Variants in THEM5 observed in about 807,000 individuals in gnomAD.
THEM5 encodes the protein thioesterase superfamily member 5.
Under a neutral mutation model 24.2 loss-of-function variants are expected in THEM5, and 28 were observed. That is an observed-to-expected ratio of 1.16 (90% CI 0.86 to 1.59). The LOEUF is 1.59. Ranked by LOEUF, THEM5 falls within the 40% of genes most tolerant of loss-of-function variation. THEM5 has a pLI of 0.00. For synonymous variants in THEM5, 87 were observed against 114.5 expected (o/e 0.76, Z 1.53); for missense variants, 260 against 296.8 (o/e 0.88, Z 0.91).
At position 151,847,733 on chromosome 1, in the gene THEM5, T is replaced by C; in HGVS notation, c.700+5A>G. The C allele has an allele frequency of 3.1e-6, 5 of 1,612,856 alleles. No homozygotes were observed. The highest frequency in any genetic ancestry group is 4.2e-6 in the Non-Finnish European group (5 of 1,179,812). On this transcript the variant is annotated splice_donor_5th_base_variant and intron_variant, in intron 5 of 5. Transcript: ENST00000368817. Reference sequence around the variant, plus strand: ...GGCCTGGGGCTGGGCTGGGGGCTCCTTTACCTGAGGACTTGGCATAAACTG... The same window carrying C: ...GGCCTGGGGCTGGGCTGGGGGCTCCCTTACCTGAGGACTTGGCATAAACTG...
At chr1:151,851,922 G>T (rs1031710503) in intron 2 of THEM5, among the ~76,000 whole-genome samples, 3 of 152,162 alleles carry the variant, frequency 2.0e-5, no homozygotes, top group African/African-American at 4.8e-5. Context: ...CTTTCATGGG[G>T]TTGGGGCGGA....
At chr1:151,847,528 T>A in intron 5 of THEM5, 114 bp from the exon 6 acceptor site, 1 of 1,461,974 alleles carries the variant, frequency 6.8e-7, no homozygotes, top group Non-Finnish European at 9.5e-7. Flanking sequence ...TGTCCTTTCG[T>A]TACAGGTTGG....
In THEM5 at chr1:151,853,499, G is replaced by A. The variant is rs370864082; in HGVS notation, c.67C>T (p.Arg23Cys). The A allele has an allele frequency of 2.0e-5, 32 of 1,613,540 alleles. No homozygotes were observed. The highest frequency in any genetic ancestry group is 1.2e-4 in the African/African-American group (9 of 74,884). Residue 23 changes from arginine to cysteine, a missense_variant, in exon 1 of 6, where the codon CGT (arginine) becomes TGT (cysteine). By Grantham distance (180) the Arg-to-Cys change is radical. Coordinates refer to ENST00000368817, the MANE Select transcript of THEM5 (RefSeq NM_182578.4). ...GHHRGLLEAP[R>C]ILPRLNPASA... ...GCAGGGTTGAGTCTGGGCAGGATACGGGGGGCCTCAAGAAGGCCTCTGTGG... is the reference window on the plus strand; with the variant it reads ...GCAGGGTTGAGTCTGGGCAGGATACAGGGGGCCTCAAGAAGGCCTCTGTGG...
intron 3 of THEM5, among the ~76,000 whole-genome samples, chr1:151,849,759 G>C (rs1411985055): frequency 6.6e-6 from 1 of 152,142 alleles, no homozygotes. Context: ...GCCAGCCTGG[G>C]GACCCATTGG....
intron 2 of THEM5, 103 bp downstream of exon 2, chr1:151,852,155 A>T: frequency 1.7e-6 from 2 of 1,184,248 alleles, no homozygotes; most frequent in Non-Finnish European, 2.5e-6. Context: ...GGACAGCAGG[A>T]AGAACTCGCT....
intron 2 of THEM5, among the ~76,000 whole-genome samples, chr1:151,851,908 A>T (rs1572062760): frequency 6.6e-6 from 1 of 152,090 alleles, no homozygotes; most frequent in Non-Finnish European, 1.5e-5. Flanking sequence ...GTGGGGTCCA[A>T]GGGCTTTCAT....
chr1:151,848,100 A>G lies in THEM5; in HGVS notation c.575+82T>C, dbSNP rs117279524. ...AAGGAGAGTGGCAGGCAGGGCTCCT[A>G]CACCCCAGCTGCCGAGGATGGCCAC... On this transcript the variant is annotated intron_variant, in intron 4 of 5. Coordinates refer to ENST00000368817, the MANE Select transcript of THEM5 (RefSeq NM_182578.4). 2,289 of 1,474,578 alleles carry G rather than the reference A, an allele frequency of 1.6e-3. 69 individuals are homozygous for G. In the East Asian group the frequency reaches 0.044, roughly 28 times the overall value. The allele number at this position is 1,474,578 out of a possible 1,614,324, so 91.3% of individuals were successfully genotyped here.
intron 5 of THEM5, 129 bp from the exon 6 acceptor site, chr1:151,847,543 C>T: frequency 1.3e-5 from 18 of 1,410,458 alleles, no homozygotes; most frequent in Non-Finnish European, 1.8e-5. Context: ...GGTTGGATAA[C>T]TCATATATAG....
chr1:151,847,958 C>A, intron 4 of THEM5, 96 bp from the exon 5 acceptor site: 1 of 1,570,650 alleles, frequency 6.4e-7, no homozygotes, highest in South Asian at 1.2e-5. Context: ...TCCCTCCCGG[C>A]CTCGAGGACT....
At chr1:151,852,538 G>T in intron 1 of THEM5, 79 bp from the exon 2 acceptor site, 1 of 1,352,698 alleles carries the variant, frequency 7.4e-7, no homozygotes, top group Non-Finnish European at 1.1e-6. Flanking sequence ...CTAAACAGCT[G>T]TTCCTGGGTG....
intron 4 of THEM5, 89 bp from the exon 5 acceptor site, chr1:151,847,951 C>T: frequency 6.3e-7 from 1 of 1,579,400 alleles, no homozygotes; most frequent in Non-Finnish European, 8.6e-7. Context: ...CTCTTCATCC[C>T]TCCCGGCCTC....
intron 1 of THEM5, 146 bp downstream of exon 1, chr1:151,853,297 A>G: frequency 9.1e-7 from 1 of 1,098,430 alleles, no homozygotes; most frequent in Non-Finnish European, 1.2e-6. Context: ...GGTATCCCAG[A>G]GCACTTTCTC....
At chr1:151,852,818 A>C (rs1018333704) in intron 1 of THEM5, among the ~76,000 whole-genome samples, 1 of 152,228 alleles carries the variant, frequency 6.6e-6, no homozygotes, top group Non-Finnish European at 1.5e-5. Flanking sequence ...CTGAGGGAAT[A>C]CGGCCAAGGT....
rs767635024 is a variant in THEM5, at chr1:151,847,426, G to A, written c.701-12C>T. The A allele has an allele frequency of 1.2e-6, 2 of 1,614,110 alleles. No homozygotes were observed. The highest frequency in any genetic ancestry group is 1.7e-6 in the Non-Finnish European group (2 of 1,179,998). ...CTGAAGGAAAACACCTGCAAGAGAA[G>A]GGTGAGTTGAGCTGCAAGAGCTGCA... On this transcript the variant is annotated splice_polypyrimidine_tract_variant and intron_variant, in intron 5 of 5. Transcript: ENST00000368817.
chr1:151,848,945 G>A (rs187107589), intron 3 of THEM5, among the ~76,000 whole-genome samples: 16 of 152,326 alleles, frequency 1.1e-4, no homozygotes, highest in African/African-American at 3.1e-4. Flanking sequence ...ATGGCCAGTC[G>A]CAGTGGCTCA....
Position 151,852,520 on chromosome 1 carries a change from C to T in THEM5, c.124-61G>A, listed in dbSNP as rs532289631. On this transcript the variant is annotated intron_variant, in intron 1 of 5. Coordinates refer to ENST00000368817, the MANE Select transcript of THEM5 (RefSeq NM_182578.4). ...CTGGAGGGGGGCTGCTGCCTGGGCT[C>T]GGGACCTCTAAACAGCTGTTCCTGG... 1,617 of 1,540,242 alleles carry T rather than the reference C, an allele frequency of 1.0e-3. 26 individuals carry two copies. Among genetic ancestry groups the T allele is most frequent in the East Asian group, 3.8e-4 (17 of 44,444 alleles).
rs200712694 is a variant in THEM5 at position 151,852,222 on chromosome 1, C to T, written c.325+36G>A. The T allele has an allele frequency of 1.0e-3, 1,622 of 1,599,194 alleles. 27 individuals are homozygous for T. The highest frequency in any genetic ancestry group is 1.4e-4 in the Non-Finnish European group (165 of 1,168,372). On this transcript the variant is annotated intron_variant, in intron 2 of 5. Coordinates refer to ENST00000368817, the MANE Select transcript of THEM5 (RefSeq NM_182578.4). ...CTCAGTCTTAGAACACAGGGAAGGG[C>T]GGCTGGGGTGTGTGTACTCATGGTC...
At position 151,853,694 on chromosome 1, in the gene THEM5, G is replaced by A; in HGVS notation, c.-129C>T. The A allele has an allele frequency of 7.6e-7, 1 of 1,308,908 alleles. No individual in the cohort carries two copies. The highest frequency in any genetic ancestry group is 1.0e-6 in the Non-Finnish European group (1 of 979,742). The allele number at this position is 1,308,908 out of a possible 1,614,324, so 81.1% of individuals were successfully genotyped here. ...GGCTTTCTTTCAGAGAGCTAGGCGAGGCTGGGCTGGTGTGCTGCAACACCC... is the reference window on the plus strand; with the variant it reads ...GGCTTTCTTTCAGAGAGCTAGGCGAAGCTGGGCTGGTGTGCTGCAACACCC... On this transcript the variant is annotated 5_prime_UTR_variant, in exon 1 of 6. Coordinates refer to ENST00000368817, the MANE Select transcript of THEM5 (RefSeq NM_182578.4).
chr1:151,851,016 G>T, intron 3 of THEM5, 37 bp downstream of exon 3: 1 of 1,612,530 alleles, frequency 6.2e-7, no homozygotes, highest in East Asian at 2.2e-5. Context: ...GCTGAGCCAA[G>T]CCCAGGAGGC....
Sources: gnomAD v4.1 joint callset for allele counts (sites outside exome capture counted in the v4.1 genomes callset) on GRCh38, gnomAD v4.1.1 for gene constraint, MANE v1.5 for transcripts, NCBI Gene and HGNC (gene_info 2026-07-23, HGNC 2026-07-21) for gene names.